The following GNB1 variants were observed in gnomAD, a reference collection of about 807,000 sequenced individuals.
GNB1 encodes G protein subunit beta 1, also known as guanine nucleotide-binding protein G(I)/G(S)/G(T) subunit beta-1.
GNB1 carries 2 observed loss-of-function variants against 42.9 expected under a neutral mutation model. The observed-to-expected ratio is 0.05, with a 90% CI of 0.02 to 0.15. The LOEUF (loss-of-function observed/expected upper bound fraction) is 0.15. Ranked by LOEUF, GNB1 falls within the 10% of genes least tolerant of loss-of-function variation. The pLI is 1.00. For synonymous variants in GNB1, 183 were observed against 174.7 expected (o/e 1.05, Z -0.38); for missense variants, 193 against 462.2 (o/e 0.42, Z 5.34).
Position 1,825,438 on chromosome 1 carries a change from G to T in GNB1, c.16C>A (p.Gln6Lys). Residue 6 changes from glutamine to lysine, a missense_variant, in exon 3 of 12, where the codon CAG becomes AAG. Physicochemically the swap from Gln to Lys is moderately conservative, Grantham distance 53. Coordinates refer to ENST00000378609, the MANE Select transcript of GNB1 (RefSeq NM_002074.5). Reference protein sequence around the residue: MSELDQLRQEAEQLKN... With the variant: MSELDKLRQEAEQLKN... ...AGTTGCTCGGCCTCCTGCCGTAACT[G>T]GTCAAGCTCACTCATCTTCCGATCT... is the stretch of plus-strand genomic sequence containing the variant. The T allele has an allele frequency of 6.2e-7, 1 of 1,612,278 alleles. No homozygotes were observed. Among genetic ancestry groups the T allele is most frequent in the Non-Finnish European group, 8.5e-7 (1 of 1,178,326 alleles).
chr1:1,860,175 C>T (rs577875244), intron 1 of GNB1, among the ~76,000 whole-genome samples: 3 of 152,238 alleles, frequency 2.0e-5, no homozygotes, highest in South Asian at 4.1e-4. Flanking sequence ...ATTAACACAG[C>T]AACAAAAAAC....
Position 1,792,843 on chromosome 1 carries a change from G to A in GNB1, c.497+402C>T, listed in dbSNP as rs571598297. On this transcript the variant is annotated intron_variant, in intron 8 of 11. Coordinates refer to ENST00000378609, the MANE Select transcript of GNB1 (RefSeq NM_002074.5). The stretch of plus-strand genomic sequence containing the variant: ...CACTTTGGGAGGCCGAGGTGGGCAG[G>A]TCACCTGAGGTCAGGAGTTCAGGAC... Among the ~76,000 whole-genome samples, 13 of 152,122 alleles carry A rather than the reference G, an allele frequency of 8.5e-5. No homozygotes were observed. The East Asian group carries it at 2.5e-3, about 29-fold the overall frequency.
At chr1:1,788,992 T>A in intron 10 of GNB1, 61 bp downstream of exon 10, 1 of 1,187,468 alleles carries the variant, frequency 8.4e-7, no homozygotes, top group Non-Finnish European at 1.3e-6. Flanking sequence ...CCACTCTGTG[T>A]TTGCTCTAAA....
chr1:1,817,735 G>A (rs949549482), intron 4 of GNB1, 102 bp downstream of exon 4: 21 of 756,938 alleles, frequency 2.8e-5, no homozygotes, highest in Admixed American at 8.6e-5. Context: ...TCCTCACTGC[G>A]CAACAGAGAA....
At chr1:1,869,580 G>C (rs1475462131) in intron 1 of GNB1, among the ~76,000 whole-genome samples, 1 of 152,116 alleles carries the variant, frequency 6.6e-6, no homozygotes, top group Non-Finnish European at 1.5e-5. Flanking sequence ...GAAATAGTAA[G>C]CAGGAAAAAA....
intron 7 of GNB1, 30 bp downstream of exon 7, chr1:1,804,389 C>A: frequency 1.3e-6 from 2 of 1,560,848 alleles, no homozygotes; most frequent in South Asian, 1.1e-5. Context: ...CAGCTTGTGT[C>A]ACTTGAAGCT....
In GNB1 at chr1:1,804,331, G is replaced by A; in HGVS notation, c.430+88C>T. ...ATAATTAATTAATTAATTAAAAAAT[G>A]ATTGATAAAAAGTGAGTATCCAAAG... On this transcript the variant is annotated intron_variant, in intron 7 of 11. Coordinates refer to ENST00000378609, the MANE Select transcript of GNB1 (RefSeq NM_002074.5). The A allele has an allele frequency of 6.1e-6, 5 of 816,270 alleles. No homozygotes were observed. The South Asian group carries it at 8.2e-5, about 13-fold the overall frequency. The allele number at this position is 816,270 out of a possible 1,614,324, so 50.6% of individuals were successfully genotyped here.
chr1:1,817,229 C>A (rs1360991409), intron 4 of GNB1, among the ~76,000 whole-genome samples: 2 of 152,200 alleles, frequency 1.3e-5, no homozygotes. Context: ...CTCTCACTAT[C>A]GTAATATTTA....
At chr1:1,860,053 T>C (rs564354701) in intron 1 of GNB1, among the ~76,000 whole-genome samples, 1 of 151,374 alleles carries the variant, frequency 6.6e-6, no homozygotes, top group Admixed American at 6.6e-5. Context: ...ACTTAAAGTA[T>C]AATAAAAAAA....
At chr1:1,839,750 A>G (rs755273947) in intron 1 of GNB1, 7 of 152,044 alleles carry the variant, frequency 4.6e-5, no homozygotes, top group Non-Finnish European at 7.3e-5. Context: ...GTTACTCAGG[A>G]GGCTTAGACA....
chr1:1,881,467 G>C (rs1479709032), intron 1 of GNB1, among the ~76,000 whole-genome samples: 1 of 151,414 alleles, frequency 6.6e-6, no homozygotes, highest in African/African-American at 2.4e-5. Flanking sequence ...AGGCTAGGGT[G>C]ATCTTGGGTC....
At position 1,789,099 on chromosome 1, in the gene GNB1, G is replaced by A; in HGVS notation, c.870C>T (p.Asp290=). ...CATCCCAGACGTTGCAGTTGAAGTCGTCGTACCCAGCAAGGAGGAGGCGCC... is the reference window on the plus strand; with the variant it reads ...CATCCCAGACGTTGCAGTTGAAGTCATCGTACCCAGCAAGGAGGAGGCGCC... ...KSGRLLLAGY[D]DFNCNVWDAL... The change falls in exon 10 of 12, where the codon GAC becomes GAT. Residue 290 remains aspartate (D), a synonymous_variant. Coordinates refer to ENST00000378609, the MANE Select transcript of GNB1 (RefSeq NM_002074.5). 6.2e-7 allele frequency: 1 copy of A among 1,614,158 alleles called. No homozygotes were observed. The highest frequency in any genetic ancestry group is 1.1e-5 in the South Asian group (1 of 91,090).
chr1:1,806,644 T>A (rs1205945674), intron 5 of GNB1, 106 bp from the exon 6 acceptor site: 3 of 675,288 alleles, frequency 4.4e-6, no homozygotes, highest in Non-Finnish European at 7.7e-6. Context: ...GCTCCCATGT[T>A]ACATGTGCTT....
chr1:1,881,772 G>C (rs539891525), intron 1 of GNB1, among the ~76,000 whole-genome samples: 1 of 152,112 alleles, frequency 6.6e-6, no homozygotes, highest in South Asian at 2.1e-4. Context: ...TAGCCCTTTG[G>C]AACTTCCGTC....
chr1:1,822,192 A>C (rs933885332), intron 3 of GNB1, among the ~76,000 whole-genome samples: 3 of 152,090 alleles, frequency 2.0e-5, no homozygotes, highest in African/African-American at 7.2e-5. Context: ...TTTCTACCTT[A>C]CAAAGGCTGG....
rs1220339246 is a variant in GNB1, at chr1:1,825,464, T to C, written c.-11A>G. On this transcript the variant is annotated 5_prime_UTR_variant, in exon 3 of 12. Coordinates refer to ENST00000378609, the MANE Select transcript of GNB1 (RefSeq NM_002074.5). ...GTCAAGCTCACTCATCTTCCGATCT[T>C]AGTGCTCTTCAATGCCACCTTCAAG... The C allele has an allele frequency of 1.2e-6, 2 of 1,603,300 alleles. No homozygotes were observed. The highest frequency in any genetic ancestry group is 8.5e-7 in the Non-Finnish European group (1 of 1,170,092).
intron 2 of GNB1, among the ~76,000 whole-genome samples, chr1:1,828,888 CACACAT>C (rs747199489): frequency 1.8e-4 from 23 of 124,796 alleles, no homozygotes; most frequent in African/African-American, 3.8e-4. Flanking sequence ...CACACACATA[CACACAT>C]ACACACACAC....
In GNB1 at chr1:1,864,504, G is replaced by A. The variant is rs1173870096; in HGVS notation, c.-95-25266C>T. Among the ~76,000 whole-genome samples, 4 of 151,748 alleles carry A rather than the reference G, an allele frequency of 2.6e-5. No individual in the cohort carries two copies. The East Asian group carries it at 7.7e-4, about 29-fold the overall frequency. On this transcript the variant is annotated intron_variant, in intron 1 of 11. Coordinates refer to ENST00000378609, the MANE Select transcript of GNB1 (RefSeq NM_002074.5). Reference sequence around the variant, plus strand: ...CTATCATCACAAGTTATTCCCTCCGGCCGACCCATCCTGCCGATTACCACC... The same window carrying A: ...CTATCATCACAAGTTATTCCCTCCGACCGACCCATCCTGCCGATTACCACC...
At chr1:1,867,654 C>T (rs1341373420) in intron 1 of GNB1, among the ~76,000 whole-genome samples, 1 of 152,114 alleles carries the variant, frequency 6.6e-6, no homozygotes, top group African/African-American at 2.4e-5. Flanking sequence ...AATAATAACC[C>T]TTTATCATAT....
Sources: allele counts gnomAD v4.1 joint callset (sites outside exome capture counted in the v4.1 genomes callset), GRCh38; gene constraint gnomAD v4.1.1; transcripts MANE v1.5; gene names NCBI Gene and HGNC (gene_info 2026-07-23, HGNC 2026-07-21).